Variants in OSBPL10 observed in about 807,000 individuals in gnomAD.
The protein encoded by OSBPL10 is oxysterol binding protein like 10, also known as oxysterol-binding protein-related protein 10.
Under a neutral mutation model 81.7 loss-of-function variants are expected in OSBPL10, and 49 were observed. The observed-to-expected ratio is 0.60, with a 90% CI of 0.48 to 0.76. The LOEUF is 0.76. Among genes scored for constraint, OSBPL10 ranks in the 30% least tolerant of loss-of-function variants. OSBPL10 has a pLI of 0.00. For synonymous variants in OSBPL10, 419 were observed against 383.6 expected (o/e 1.09, Z -1.08); for missense variants, 923 against 987.8 (o/e 0.93, Z 0.88).
At chr3:31,757,408 G>A (rs1174543453) in intron 4 of OSBPL10, among the ~76,000 whole-genome samples, 1 of 152,144 alleles carries the variant, frequency 6.6e-6, no homozygotes, top group Non-Finnish European at 1.5e-5. Flanking sequence ...AAGACCAGCA[G>A]TGAAGACATG....
At chr3:32,070,895 G>C (rs1699823828) in intron 1 of OSBPL10, among the ~76,000 whole-genome samples, 1 of 152,068 alleles carries the variant, frequency 6.6e-6, no homozygotes, top group Non-Finnish European at 1.5e-5. Flanking sequence ...TACCTGGACT[G>C]ACCCTGACAC....
At chr3:31,684,731 C>A (rs181721206) in intron 7 of OSBPL10, among the ~76,000 whole-genome samples, 34 of 152,300 alleles carry the variant, frequency 2.2e-4, no homozygotes, top group Admixed American at 2.2e-3. Context: ...CATCAGCAGG[C>A]AAATATCCAC....
chr3:31,777,780 A>C lies in OSBPL10; in HGVS notation c.730-29660T>G, dbSNP rs1698582404. ...AATCCAGATTACAGGAAAAGGATTT[A>C]ACCTTACCTAGAGCTGAAATGGATT... On this transcript the variant is annotated intron_variant, in intron 4 of 11. Coordinates refer to ENST00000396556, the MANE Select transcript of OSBPL10 (RefSeq NM_017784.5). Among the ~76,000 whole-genome samples the C allele has an allele frequency of 1.3e-5, 2 of 152,216 alleles. 1 individual carries two copies. The highest frequency in any genetic ancestry group is 4.1e-4 in the South Asian group (2 of 4,828).
intron 1 of OSBPL10, among the ~76,000 whole-genome samples, chr3:31,885,580 C>A (rs1695708869): frequency 6.6e-6 from 1 of 152,150 alleles, no homozygotes; most frequent in African/African-American, 2.4e-5. Context: ...TAAGGTTCAA[C>A]TTTAGGATCT....
At chr3:31,753,982 C>G (rs930334578) in intron 4 of OSBPL10, among the ~76,000 whole-genome samples, 1 of 152,108 alleles carries the variant, frequency 6.6e-6, no homozygotes, top group Admixed American at 6.5e-5. Context: ...AATCCACAAC[C>G]CCCTTCTCCA....
At chr3:31,674,571 C>T (rs890118180) in intron 8 of OSBPL10, among the ~76,000 whole-genome samples, 3 of 147,174 alleles carry the variant, frequency 2.0e-5, no homozygotes, top group Non-Finnish European at 4.5e-5. Context: ...AATAGATAGA[C>T]AGATAGATAG....
At chr3:31,714,025 T>A (rs928105201) in intron 6 of OSBPL10, 1 of 152,190 alleles carries the variant, frequency 6.6e-6, no homozygotes, top group African/African-American at 2.4e-5. Flanking sequence ...CTGCTGAAGA[T>A]TCTGAGGAGG....
At chr3:31,837,177 G>A (rs1700374203) in intron 3 of OSBPL10, among the ~76,000 whole-genome samples, 1 of 151,810 alleles carries the variant, frequency 6.6e-6, no homozygotes. Context: ...TTGATAGAAA[G>A]GAGGAAAGCT....
At chr3:31,801,616 C>G (rs1369356481) in intron 4 of OSBPL10, among the ~76,000 whole-genome samples, 1 of 152,186 alleles carries the variant, frequency 6.6e-6, no homozygotes, top group Non-Finnish European at 1.5e-5. Flanking sequence ...GTTCACACTG[C>G]AGACAAAAGA....
chr3:31,914,459 T>C (rs1575612966), intron 1 of OSBPL10, among the ~76,000 whole-genome samples: 1 of 152,244 alleles, frequency 6.6e-6, no homozygotes, highest in Non-Finnish European at 1.5e-5. Context: ...CAGCAGGCAG[T>C]GTTTCCCAAC....
chr3:31,769,467 A>C (rs1278245493), intron 4 of OSBPL10, among the ~76,000 whole-genome samples: 1,762 of 100,960 alleles, frequency 0.017, 283 homozygotes, highest in African/African-American at 0.057. Flanking sequence ...AACAAAAAAA[A>C]AACAAAAAAA....
chr3:31,875,873 A>C (rs751357078), intron 3 of OSBPL10, among the ~76,000 whole-genome samples: 8 of 152,206 alleles, frequency 5.3e-5, no homozygotes, highest in Non-Finnish European at 1.2e-4. Context: ...ATTTTAATGA[A>C]TGTAAATCCT....
At chr3:31,719,470 T>C (rs944173875) in intron 6 of OSBPL10, among the ~76,000 whole-genome samples, 1 of 152,136 alleles carries the variant, frequency 6.6e-6, no homozygotes, top group Non-Finnish European at 1.5e-5. Flanking sequence ...TGTGAAAATA[T>C]GCTTAACTTC....
chr3:31,698,778 T>C (rs1317510283), intron 7 of OSBPL10, among the ~76,000 whole-genome samples: 1 of 152,174 alleles, frequency 6.6e-6, no homozygotes, highest in Non-Finnish European at 1.5e-5. Context: ...CACTAGAATG[T>C]TACCTAGTAG....
At chr3:31,665,885 GC>G (rs1429526454) in intron 10 of OSBPL10, among the ~76,000 whole-genome samples, 1 of 152,152 alleles carries the variant, frequency 6.6e-6, no homozygotes, top group Non-Finnish European at 1.5e-5. Flanking sequence ...TAAGACAGTG[GC>G]CCCAAGAGTA....
intron 8 of OSBPL10, among the ~76,000 whole-genome samples, chr3:31,676,474 A>G (rs1370601626): frequency 6.6e-6 from 1 of 152,176 alleles, no homozygotes; most frequent in African/African-American, 2.4e-5. Context: ...GAAATTCCAC[A>G]AATTGATTCG....
intron 1 of OSBPL10, among the ~76,000 whole-genome samples, chr3:31,894,296 C>A (rs1042133331): frequency 1.3e-5 from 2 of 152,042 alleles, no homozygotes; most frequent in African/African-American, 4.8e-5. Context: ...GAAAGAGGAA[C>A]AAGGAGGACA....
intron 4 of OSBPL10, 63 bp from the exon 5 acceptor site, chr3:31,748,183 C>T (rs1697594314): frequency 5.5e-6 from 8 of 1,454,248 alleles, no homozygotes; most frequent in East Asian, 2.5e-5. Flanking sequence ...GCTGGGGAGG[C>T]GGCAGATAAA....
chr3:32,053,631 A>G (rs78374435), intron 1 of OSBPL10, among the ~76,000 whole-genome samples: 2,390 of 152,252 alleles, frequency 0.016, 61 homozygotes, highest in East Asian at 0.088. Flanking sequence ...CACTAATGCA[A>G]GGGTGAAACT....
Sources: allele counts gnomAD v4.1 joint callset (sites outside exome capture counted in the v4.1 genomes callset), GRCh38; gene constraint gnomAD v4.1.1; transcripts MANE v1.5; gene names NCBI Gene and HGNC (gene_info 2026-07-23, HGNC 2026-07-21).